SPMAP2: variants seen among roughly 807,000 people sequenced by gnomAD.
The protein encoded by SPMAP2 is Theg homolog.
the SPMAP2 span, chr19:362,471 A>C: frequency 2.8e-4 from 413 of 1,468,112 alleles, no homozygotes; most frequent in Non-Finnish European, 3.5e-4. Context: ...CTCAAACCTC[A>C]AAGCTCCACA....
At chr19:374,201 G>C in the SPMAP2 span, 2 of 1,556,648 alleles carry the variant, frequency 1.3e-6, no homozygotes, top group Non-Finnish European at 1.7e-6. Context: ...GCAGCTGGGG[G>C]AGGGGAGCCG....
chr19:365,364 G>C, the SPMAP2 span, among the ~76,000 whole-genome samples: 2 of 152,208 alleles, frequency 1.3e-5, no homozygotes, highest in African/African-American at 2.4e-5. Context: ...CCAGAGCCTA[G>C]CCTTCTTTGA....
At chr19:362,001 G>T in the SPMAP2 span, 1 of 418,278 alleles carries the variant, frequency 2.4e-6, no homozygotes, top group Non-Finnish European at 4.2e-6. Flanking sequence ...TTCAGAAGGC[G>T]CTCGAGATGG....
chr19:374,406 G>C, the SPMAP2 span: 1 of 1,614,094 alleles, frequency 6.2e-7, no homozygotes, highest in African/African-American at 1.3e-5. Context: ...GGAGCTTCTG[G>C]CTGATGGACA....
chr19:373,650 G>A, the SPMAP2 span: 3 of 945,492 alleles, frequency 3.2e-6, no homozygotes, highest in Admixed American at 4.3e-5. Flanking sequence ...CTGGGAGAGG[G>A]GGTAGGCCAG....
the SPMAP2 span, chr19:375,653 C>G: frequency 6.5e-7 from 1 of 1,540,724 alleles, no homozygotes; most frequent in Non-Finnish European, 8.8e-7. Flanking sequence ...GCCCGTTCCC[C>G]GGTGCCCACC....
chr19:370,572 G>T, the SPMAP2 span, among the ~76,000 whole-genome samples: 2,605 of 150,892 alleles, frequency 0.017, 42 homozygotes, highest in East Asian at 0.061. Flanking sequence ...GGATGGTCTC[G>T]ATCTGCTGAC....
At chr19:368,316 G>A in the SPMAP2 span, among the ~76,000 whole-genome samples, 4 of 152,072 alleles carry the variant, frequency 2.6e-5, no homozygotes, top group African/African-American at 4.8e-5. This position sits in a 1 kb window ranked among gnomAD's most constrained non-coding sequence, Gnocchi z 4.1. Context: ...CCCTCCTCTC[G>A]CCTCATACGC....
At chr19:363,223 T>G in the SPMAP2 span, among the ~76,000 whole-genome samples, 1 of 152,332 alleles carries the variant, frequency 6.6e-6, no homozygotes. Context: ...TACAGAGCCT[T>G]GCTCTGTCGC....
chr19:362,955 C>T, the SPMAP2 span, among the ~76,000 whole-genome samples: 37 of 152,170 alleles, frequency 2.4e-4, no homozygotes, highest in African/African-American at 8.2e-4. Flanking sequence ...AGACCAGAGA[C>T]ACGAAAGGAC....
At chr19:366,756 A>G in the SPMAP2 span, among the ~76,000 whole-genome samples, 2 of 152,182 alleles carry the variant, frequency 1.3e-5, no homozygotes, top group African/African-American at 4.8e-5. Flanking sequence ...GTTGAGGAAA[A>G]TGGTTATTCA....
the SPMAP2 span, among the ~76,000 whole-genome samples, chr19:369,982 C>T: frequency 3.9e-5 from 6 of 152,272 alleles, no homozygotes; most frequent in East Asian, 7.8e-4. Flanking sequence ...GGCTTGGGCT[C>T]AGAGGCCTGA....
chr19:367,366 G>A, the SPMAP2 span: 10 of 800,310 alleles, frequency 1.2e-5, no homozygotes, highest in African/African-American at 1.8e-5. Flanking sequence ...TTCATGAAAG[G>A]ATTAGTAACT....
chr19:375,552 G>T, the SPMAP2 span: 13 of 1,179,214 alleles, frequency 1.1e-5, no homozygotes, highest in Non-Finnish European at 1.5e-5. Context: ...AGCCAGGCCG[G>T]TGGCCGGTTA....
the SPMAP2 span, chr19:362,127 C>T: frequency 8.1e-6 from 10 of 1,229,214 alleles, no homozygotes; most frequent in South Asian, 1.3e-4. Context: ...CTCCCTTCTC[C>T]AGGCCAAAAA....
the SPMAP2 span, chr19:375,569 T>C: frequency 7.5e-7 from 1 of 1,335,278 alleles, no homozygotes; most frequent in Non-Finnish European, 1.0e-6. Context: ...GTTACGACCC[T>C]TTCGCCCGCC....
the SPMAP2 span, among the ~76,000 whole-genome samples, chr19:364,292 G>C: frequency 1.4e-5 from 2 of 141,938 alleles, no homozygotes; most frequent in East Asian, 2.1e-4. Context: ...AGCTGAGATC[G>C]CGCCACTGCG....
chr19:374,560 G>C, the SPMAP2 span: 2 of 1,224,880 alleles, frequency 1.6e-6, no homozygotes, highest in Non-Finnish European at 2.2e-6. Context: ...CCCTCGAGGG[G>C]TCTCTGAGGG....
the SPMAP2 span, chr19:371,455 T>A: frequency 6.4e-6 from 3 of 467,448 alleles, no homozygotes; most frequent in Non-Finnish European, 1.1e-5. Context: ...TGTCTGTCTT[T>A]CCCAGCTCCT....
Sources: gnomAD v4.1 joint callset for allele counts (sites outside exome capture counted in the v4.1 genomes callset) on GRCh38, gnomAD v4.1.1 for gene constraint, Gnocchi (gnomAD v3.1) non-coding constraint, MANE v1.5 for transcripts, NCBI Gene and HGNC (gene_info 2026-07-23, HGNC 2026-07-21) for gene names.